PRELID2: variants seen among roughly 807,000 people sequenced by gnomAD.
PRELID2 encodes PRELI domain containing 2, also known as PRELI domain-containing protein 2.
A neutral mutation model predicts 28.4 loss-of-function variants in PRELID2; 25 were observed. That is an observed-to-expected ratio of 0.88 (90% CI 0.64 to 1.23). The LOEUF (loss-of-function observed/expected upper bound fraction) is 1.23. PRELID2 is among the 50% of genes most tolerant of loss of function. The pLI is 0.00. For missense variants in PRELID2, 201 were observed against 214.4 expected (o/e 0.94, Z 0.39); for synonymous variants, 76 against 71.6 (o/e 1.06, Z -0.31).
chr5:145,352,042 G>A, the PRELID2 span, among the ~76,000 whole-genome samples: 12 of 152,174 alleles, frequency 7.9e-5, no homozygotes, highest in African/African-American at 2.7e-4. Flanking sequence ...ATGGGCTGAC[G>A]TTGAATGTCT....
At chr5:145,602,286 C>A (rs1414538661) in intron 1 of PRELID2, among the ~76,000 whole-genome samples, 7 of 152,160 alleles carry the variant, frequency 4.6e-5, no homozygotes, top group African/African-American at 1.4e-4. Flanking sequence ...AGTAAAATAT[C>A]TTTTACTTTG....
chr5:145,552,764 A>G (rs896761591), intron 1 of PRELID2, among the ~76,000 whole-genome samples: 2 of 152,150 alleles, frequency 1.3e-5, no homozygotes, highest in African/African-American at 2.4e-5. Flanking sequence ...TATCAACACA[A>G]TTGACTGTAT....
chr5:145,782,176 G>A (rs1751680737), intron 5 of PRELID2, among the ~76,000 whole-genome samples: 1 of 152,160 alleles, frequency 6.6e-6, no homozygotes, highest in Non-Finnish European at 1.5e-5. Context: ...AAAGTCATAT[G>A]TACACCCAGT....
chr5:145,708,339 G>A (rs1755601788), intron 1 of PRELID2, among the ~76,000 whole-genome samples: 1 of 151,340 alleles, frequency 6.6e-6, no homozygotes, highest in African/African-American at 2.4e-5. Context: ...TCTTATTATT[G>A]GCTGTGTGAC....
chr5:145,402,103 A>C, the PRELID2 span, among the ~76,000 whole-genome samples: 1 of 152,360 alleles, frequency 6.6e-6, no homozygotes, highest in East Asian at 1.9e-4. Context: ...AGAAGAGTTT[A>C]CAAATCATTT....
chr5:145,722,659 C>T (rs1365773259), intron 1 of PRELID2, among the ~76,000 whole-genome samples: 9 of 152,054 alleles, frequency 5.9e-5, no homozygotes, highest in African/African-American at 2.2e-4. Flanking sequence ...ACTACAATGC[C>T]CAGCTAATTT....
intron 1 of PRELID2, among the ~76,000 whole-genome samples, chr5:145,709,708 G>A (rs530539514): frequency 3.3e-5 from 5 of 152,070 alleles, no homozygotes; most frequent in African/African-American, 9.6e-5. Flanking sequence ...CCAAACTAAA[G>A]ATTTTCATAC....
At chr5:145,746,164 A>G (rs2149746475) in intron 1 of PRELID2, among the ~76,000 whole-genome samples, 1 of 152,334 alleles carries the variant, frequency 6.6e-6, no homozygotes, top group East Asian at 1.9e-4. Context: ...CATATATAAC[A>G]ATACTAACCT....
At chr5:145,617,601 C>G (rs570389506) in intron 1 of PRELID2, among the ~76,000 whole-genome samples, 1 of 152,102 alleles carries the variant, frequency 6.6e-6, no homozygotes, top group African/African-American at 2.4e-5. Context: ...AATTCGAAGG[C>G]CTTGTCTTCA....
At chr5:145,382,561 A>T in the PRELID2 span, among the ~76,000 whole-genome samples, 1 of 152,048 alleles carries the variant, frequency 6.6e-6, no homozygotes, top group Non-Finnish European at 1.5e-5. Context: ...GAAGGCAATA[A>T]AATGGTCTTT....
At chr5:145,692,272 G>T (rs1755166285) in intron 1 of PRELID2, among the ~76,000 whole-genome samples, 1 of 152,052 alleles carries the variant, frequency 6.6e-6, no homozygotes, top group East Asian at 1.9e-4. Flanking sequence ...GATCGTACTT[G>T]AATGTTTTTG....
rs376933712 is a variant in PRELID2 at position 145,621,491 on chromosome 5, A to G, written n.70+143440T>C. Reference sequence around the variant, plus strand: ...AGTGATAAAAGCCAAAAAAGTAGACACAACCCCAAATCCCATCAACTGCTG... The same window carrying G: ...AGTGATAAAAGCCAAAAAAGTAGACGCAACCCCAAATCCCATCAACTGCTG... On this transcript the variant is annotated intron_variant and non_coding_transcript_variant, in intron 1 of 2. Coordinates refer to the PRELID2 transcript ENST00000510259. Among the ~76,000 whole-genome samples the G allele has an allele frequency of 1.1e-4, 16 of 152,344 alleles. 1 individual carries two copies. In the East Asian group the frequency reaches 2.7e-3, roughly 26 times the overall value.
chr5:145,806,188 T>C (rs1561630670), intron 4 of PRELID2, among the ~76,000 whole-genome samples: 1 of 152,228 alleles, frequency 6.6e-6, no homozygotes, highest in Non-Finnish European at 1.5e-5. Context: ...ATAAACGTTT[T>C]CATTTTTAAC....
chr5:145,587,753 G>T (rs573537672), intron 1 of PRELID2, among the ~76,000 whole-genome samples: 35 of 152,114 alleles, frequency 2.3e-4, no homozygotes, highest in Non-Finnish European at 4.9e-4. Flanking sequence ...CAACCAAACT[G>T]TAAAATATCA....
chr5:145,742,509 C>A, intron 1 of PRELID2, among the ~76,000 whole-genome samples: 1 of 117,486 alleles, frequency 8.5e-6, no homozygotes, highest in Non-Finnish European at 1.7e-5. Context: ...AATCTAGGAG[C>A]CAAAGAAGTC....
At chr5:145,566,953 AT>A (rs545477288) in intron 1 of PRELID2, among the ~76,000 whole-genome samples, 74 of 152,158 alleles carry the variant, frequency 4.9e-4, no homozygotes, top group African/African-American at 1.6e-3. Context: ...TGCTTATCTA[AT>A]TTTTCTATAA....
chr5:145,386,288 A>T, the PRELID2 span, among the ~76,000 whole-genome samples: 1 of 152,044 alleles, frequency 6.6e-6, no homozygotes, highest in Non-Finnish European at 1.5e-5. Context: ...CACCCCCATG[A>T]TTCAATTACC....
the PRELID2 span, among the ~76,000 whole-genome samples, chr5:145,418,727 T>C: frequency 4.0e-5 from 5 of 124,470 alleles, no homozygotes; most frequent in Non-Finnish European, 5.5e-5. Flanking sequence ...TTATACCATA[T>C]ACAAATTTTT....
chr5:145,587,963 G>C (rs1350636945), intron 1 of PRELID2, among the ~76,000 whole-genome samples: 2 of 152,158 alleles, frequency 1.3e-5, no homozygotes, highest in Admixed American at 1.3e-4. Flanking sequence ...CACTTAGAAA[G>C]AGGGAGTAGA....
Sources: gnomAD v4.1 joint callset for allele counts (sites outside exome capture counted in the v4.1 genomes callset) on GRCh38, gnomAD v4.1.1 for gene constraint, MANE v1.5 for transcripts, NCBI Gene and HGNC (gene_info 2026-07-23, HGNC 2026-07-21) for gene names.